Variants in PCDH15 observed in about 807,000 individuals in gnomAD.
PCDH15 encodes protocadherin-15.
A neutral mutation model predicts 178.5 loss-of-function variants in PCDH15; 129 were observed. That is an observed-to-expected ratio of 0.72 (90% CI 0.63 to 0.84). The LOEUF (loss-of-function observed/expected upper bound fraction) is 0.84, where lower values mean the gene tolerates loss of function less well. Ranked by LOEUF, PCDH15 falls within the 40% of genes least tolerant of loss-of-function variation. The probability of loss-of-function intolerance (pLI) is 0.00; values close to 1 mark genes in which losing one functional copy is unlikely to be tolerated. For missense variants in PCDH15, 2,230 were observed against 2,099.9 expected (o/e 1.06, Z -1.21); for synonymous variants, 800 against 732.0 (o/e 1.09, Z -1.50).
At chr10:54,356,513 T>C (rs766219578) in intron 5 of PCDH15, among the ~76,000 whole-genome samples, 78 of 151,626 alleles carry the variant, frequency 5.1e-4, no homozygotes, top group Non-Finnish European at 8.8e-4. Flanking sequence ...ACATTATATA[T>C]AATTACATGG....
Position 54,416,219 on chromosome 10 carries a change from C to T in PCDH15, c.158-37277G>A, listed in dbSNP as rs367672365. Among the ~76,000 whole-genome samples, 63 of 152,104 alleles carry T rather than the reference C, an allele frequency of 4.1e-4. 1 individual carries two copies. Among genetic ancestry groups the T allele is most frequent in the African/African-American group, 1.3e-3 (53 of 41,506 alleles). ...CGTGCAGGTTTGTTACAGAAGTATA[C>T]GTGTGCCATGGTGGTTTGCTGCACC... On this transcript the variant is annotated intron_variant, in intron 3 of 37. Coordinates refer to ENST00000644397, the MANE Select transcript of PCDH15 (RefSeq NM_001384140.1).
Position 55,195,093 on chromosome 10 carries a change from G to A in PCDH15, c.-155-28442C>T, listed in dbSNP as rs955620015. ...GGCTGGAGTGCACTGGTGGGATCTCGGCTCACTGCAACCTCTGCCTCCCGA... is the reference window on the plus strand; with the variant it reads ...GGCTGGAGTGCACTGGTGGGATCTCAGCTCACTGCAACCTCTGCCTCCCGA... On this transcript the variant is annotated intron_variant, in intron 1 of 5. Transcript: ENST00000458638. 1.4e-4 allele frequency among the ~76,000 whole-genome samples: 21 copies of A among 149,908 alleles called. 1 individual carries two copies. The highest frequency in any genetic ancestry group is 8.7e-4 in the Admixed American group (13 of 15,010).
chr10:55,189,492 G>A (rs943202421), intron 1 of PCDH15, among the ~76,000 whole-genome samples: 17 of 151,710 alleles, frequency 1.1e-4, no homozygotes, highest in African/African-American at 4.1e-4. Flanking sequence ...ACTAAAGTTA[G>A]ACCAGCTGAT....
chr10:55,183,811 C>G (rs981150899), intron 1 of PCDH15, among the ~76,000 whole-genome samples: 1 of 151,784 alleles, frequency 6.6e-6, no homozygotes, highest in African/African-American at 2.4e-5. Context: ...CTGGACAGTA[C>G]TAGTTTATCC....
chr10:54,883,472 T>C (rs1425931423), intron 3 of PCDH15, among the ~76,000 whole-genome samples: 1 of 152,004 alleles, frequency 6.6e-6, no homozygotes. Flanking sequence ...TTGGAGAATT[T>C]CCTCCAGGTG....
rs78938443 is a variant in PCDH15, at chr10:54,084,584, C to T, written c.1998-5160G>A. Reference sequence around the variant, plus strand: ...AGACTTTTGAGACTAGCCTGGGCAACAGAGTAATACCCAGTCTTAAGAAAA... The same window carrying T: ...AGACTTTTGAGACTAGCCTGGGCAATAGAGTAATACCCAGTCTTAAGAAAA... On this transcript the variant is annotated intron_variant, in intron 16 of 37. Coordinates refer to ENST00000644397, the MANE Select transcript of PCDH15 (RefSeq NM_001384140.1). Among the ~76,000 whole-genome samples the T allele has an allele frequency of 1.2e-3, 177 of 152,182 alleles. 3 individuals are homozygous for T. In the South Asian group the frequency reaches 0.018, roughly 15 times the overall value.
chr10:54,448,992 T>C (rs916886237), intron 3 of PCDH15, among the ~76,000 whole-genome samples: 4 of 151,728 alleles, frequency 2.6e-5, no homozygotes, highest in Middle Eastern at 3.2e-3. Flanking sequence ...TGCCAACCAC[T>C]TTGAAGGCCT....
chr10:54,939,092 T>G (rs994696781), intron 2 of PCDH15, among the ~76,000 whole-genome samples: 1 of 152,212 alleles, frequency 6.6e-6, no homozygotes, highest in African/African-American at 2.4e-5. Flanking sequence ...TTTGGTATTT[T>G]TTTTGCAGCA....
chr10:54,082,346 T>C (rs2094447705), intron 16 of PCDH15, among the ~76,000 whole-genome samples: 1 of 152,160 alleles, frequency 6.6e-6, no homozygotes, highest in Admixed American at 6.6e-5. Context: ...CAGGAAAGTC[T>C]GGGTAAATAG....
At chr10:54,192,821 A>G (rs2133893639) in intron 11 of PCDH15, among the ~76,000 whole-genome samples, 1 of 152,296 alleles carries the variant, frequency 6.6e-6, no homozygotes, top group East Asian at 1.9e-4. Context: ...TATAAAAGTT[A>G]TGAAGCATGC....
intron 1 of PCDH15, among the ~76,000 whole-genome samples, chr10:54,768,416 C>T (rs1285134634): frequency 6.6e-6 from 1 of 152,112 alleles, no homozygotes; most frequent in Non-Finnish European, 1.5e-5. Context: ...AGATTACAAT[C>T]TACTTGAGAA....
intron 2 of PCDH15, among the ~76,000 whole-genome samples, chr10:55,534,173 A>G (rs941199641): frequency 2.0e-5 from 3 of 152,122 alleles, no homozygotes; most frequent in African/African-American, 7.2e-5. Flanking sequence ...CTTGGCAAAG[A>G]ATTTTTGGCT....
At chr10:55,410,601 G>T (rs548514900) in intron 2 of PCDH15, among the ~76,000 whole-genome samples, 1 of 152,244 alleles carries the variant, frequency 6.6e-6, no homozygotes, top group Non-Finnish European at 1.5e-5. Flanking sequence ...GATCCATGCT[G>T]GAAGAAATCC....
intron 2 of PCDH15, among the ~76,000 whole-genome samples, chr10:55,533,582 A>G (rs1170031041): frequency 1.3e-5 from 2 of 152,114 alleles, no homozygotes; most frequent in African/African-American, 4.8e-5. Context: ...CAAAGATGAC[A>G]TAAATGATTG....
At chr10:54,388,450 C>G (rs185822679) in intron 3 of PCDH15, among the ~76,000 whole-genome samples, 1 of 152,264 alleles carries the variant, frequency 6.6e-6, no homozygotes, top group African/African-American at 2.4e-5. Context: ...TCTGTTATGT[C>G]ATGCCATCTC....
intron 1 of PCDH15, among the ~76,000 whole-genome samples, chr10:55,223,591 T>C (rs1181665236): frequency 6.6e-6 from 1 of 152,142 alleles, no homozygotes; most frequent in Non-Finnish European, 1.5e-5. Flanking sequence ...GGTCCTCTTT[T>C]TCCTTTTATG....
At chr10:54,729,326 C>T (rs1218660708) in intron 1 of PCDH15, among the ~76,000 whole-genome samples, 1 of 151,508 alleles carries the variant, frequency 6.6e-6, no homozygotes, top group East Asian at 1.9e-4. Flanking sequence ...GGAAACAACT[C>T]CCTATTCAAT....
rs561881593 is a variant in PCDH15 at position 55,174,607 on chromosome 10, G to A, written c.-155-7956C>T. On this transcript the variant is annotated intron_variant, in intron 1 of 5. Coordinates refer to the PCDH15 transcript ENST00000458638. ...TTGTAGAATTGATCTAGCCCTCCTAGTGGTCATCTCAGGAGAGGCTGCAAA... is the reference window on the plus strand; with the variant it reads ...TTGTAGAATTGATCTAGCCCTCCTAATGGTCATCTCAGGAGAGGCTGCAAA... 2.0e-5 allele frequency among the ~76,000 whole-genome samples: 3 copies of A among 152,300 alleles called. No individual in the cohort carries two copies. In the South Asian group the frequency reaches 6.2e-4, roughly 32 times the overall value.
At chr10:55,532,305 C>T (rs184250023) in intron 2 of PCDH15, among the ~76,000 whole-genome samples, 31 of 152,064 alleles carry the variant, frequency 2.0e-4, no homozygotes, top group East Asian at 3.9e-4. Context: ...AGATTTAAAC[C>T]TTTTTCCTCT....
Sources: gnomAD v4.1 joint callset for allele counts (sites outside exome capture counted in the v4.1 genomes callset) on GRCh38, gnomAD v4.1.1 for gene constraint, MANE v1.5 for transcripts, NCBI Gene and HGNC (gene_info 2026-07-23, HGNC 2026-07-21) for gene names.